SLC2A1: variants seen among roughly 807,000 people sequenced by gnomAD.
SLC2A1 encodes the protein solute carrier family 2 member 1.
In SLC2A1, 4 loss-of-function variants were observed where a neutral mutation model predicts 46.6. The ratio of observed to expected loss-of-function variants is 0.09; its 90% CI spans 0.04 to 0.20. SLC2A1 has a LOEUF of 0.20. Ranked by LOEUF, SLC2A1 falls within the 10% of genes least tolerant of loss-of-function variation. The pLI, the probability that SLC2A1 is intolerant of heterozygous loss-of-function variation, is 1.00. For synonymous variants in SLC2A1, 253 were observed against 270.0 expected (o/e 0.94, Z 0.62); for missense variants, 352 against 667.0 (o/e 0.53, Z 5.20).
At chr1:42,933,202 A>C (rs1643509958) in intron 2 of SLC2A1, among the ~76,000 whole-genome samples, 1 of 152,196 alleles carries the variant, frequency 6.6e-6, no homozygotes, top group South Asian at 2.1e-4. Context: ...AAGGCTGTGC[A>C]GACCACTAAC....
At chr1:42,938,363 C>T (rs1441327826) in intron 2 of SLC2A1, among the ~76,000 whole-genome samples, 1 of 152,198 alleles carries the variant, frequency 6.6e-6, no homozygotes, top group Non-Finnish European at 1.5e-5. Flanking sequence ...CTCTCACTCT[C>T]CAGATACCTC....
chr1:42,958,578 G>C, intron 1 of SLC2A1, 56 bp downstream of exon 1: 1 of 1,477,350 alleles, frequency 6.8e-7, no homozygotes, highest in Non-Finnish European at 9.0e-7. Context: ...GGCGTAAGGC[G>C]GGCAGGAGTC....
intron 2 of SLC2A1, among the ~76,000 whole-genome samples, chr1:42,942,656 A>G: frequency 6.6e-6 from 1 of 151,780 alleles, no homozygotes; most frequent in East Asian, 1.9e-4. Flanking sequence ...CAAATAAAGG[A>G]AGTGTGCTGC....
chr1:42,929,611 C>G lies in SLC2A1; in HGVS notation c.849G>C (p.Gln283His). 1 of 1,613,608 alleles carries G rather than the reference C, an allele frequency of 6.2e-7. No individual in the cohort carries two copies. The highest frequency in any genetic ancestry group is 8.5e-7 in the Non-Finnish European group (1 of 1,179,766). ...CACTCACAGCGTTGATGCCAGACAGCTGCTGGGACAGCTGCAGCACCACAG... is the reference window on the plus strand; with the variant it reads ...CACTCACAGCGTTGATGCCAGACAGGTGCTGGGACAGCTGCAGCACCACAG... ...LIAVVLQLSQ[Q>H]LSGINAVFYY... Residue 283 changes from glutamine (Q) to histidine (H), a missense_variant, in exon 6 of 10, where the codon CAG (glutamine) becomes CAC (histidine). Physicochemically the swap from Gln to His is conservative, Grantham distance 24 (BLOSUM62 0). This residue lies in a region of SLC2A1 where 167 missense variants were observed against 280.8 expected (regional missense o/e 0.59). Coordinates refer to ENST00000426263, the MANE Select transcript of SLC2A1 (RefSeq NM_006516.4). This position sits in a 1 kb window ranked among gnomAD's most constrained non-coding sequence, Gnocchi z 6.0.
In SLC2A1 at chr1:42,954,721, T is replaced by C. The variant is rs1643756070; in HGVS notation, c.18+3913A>G. On this transcript the variant is annotated intron_variant, in intron 1 of 9. Coordinates refer to ENST00000426263, the MANE Select transcript of SLC2A1 (RefSeq NM_006516.4). This position sits in a 1 kb window ranked among gnomAD's most constrained non-coding sequence, Gnocchi z 4.2. Reference sequence around the variant, plus strand: ...TCATCCTGGAAAGGCTGGCAGCATGTCTTGGGGTGGGAGGCTCAGTGTGTG... The same window carrying C: ...TCATCCTGGAAAGGCTGGCAGCATGCCTTGGGGTGGGAGGCTCAGTGTGTG... Among the ~76,000 whole-genome samples the C allele has an allele frequency of 6.6e-6, 1 of 152,128 alleles. No homozygotes were observed. The highest frequency in any genetic ancestry group is 2.4e-5 in the African/African-American group (1 of 41,432).
rs1051716608 is a variant in SLC2A1 at position 42,925,678 on chromosome 1, A to G, written c.*1363T>C. On this transcript the variant is annotated 3_prime_UTR_variant, in exon 10 of 10. Coordinates refer to ENST00000426263, the MANE Select transcript of SLC2A1 (RefSeq NM_006516.4). Reference sequence around the variant, plus strand: ...GCTTGACAGCTCATTGGGCCCATACAAAGAACGTGGTTCATTTTGTGTGTG... The same window carrying G: ...GCTTGACAGCTCATTGGGCCCATACGAAGAACGTGGTTCATTTTGTGTGTG... 1 of 152,216 alleles carries G rather than the reference A, an allele frequency of 6.6e-6. No individual in the cohort carries two copies. Among genetic ancestry groups the G allele is most frequent in the African/African-American group, 2.4e-5 (1 of 41,444 alleles). 9.4% of individuals were successfully genotyped at this position (152,216 alleles called of 1,614,324 possible). A position where few individuals can be genotyped will look rare whatever the true frequency, so the allele number is the denominator to read the frequency against.
rs1432354282 is a variant in SLC2A1, at chr1:42,929,834, G to T, written c.679+39C>A. The T allele has an allele frequency of 1.9e-6, 3 of 1,614,174 alleles. No individual in the cohort carries two copies. Among genetic ancestry groups the T allele is most frequent in the Non-Finnish European group, 2.5e-6 (3 of 1,179,988 alleles). ...GGCTCAGAGTGGGAAGAAGGCCAGG[G>T]CTCAGGGAGTGGGGAGGAGGGCAGG... On this transcript the variant is annotated intron_variant, in intron 5 of 9. Transcript: ENST00000426263. The surrounding 1 kb of genome is among the most constrained non-coding windows in gnomAD (Gnocchi z 6.0).
intron 1 of SLC2A1, among the ~76,000 whole-genome samples, chr1:42,948,649 C>T (rs1643683353): frequency 6.6e-6 from 1 of 152,202 alleles, no homozygotes; most frequent in African/African-American, 2.4e-5. Context: ...AACCTCAAGG[C>T]TGGGCGCGGT....
chr1:42,927,565 C>T lies in SLC2A1; in HGVS notation c.1278+40G>A. 1.2e-6 allele frequency: 1 copy of T among 826,534 alleles called. No homozygotes were observed. Among genetic ancestry groups the T allele is most frequent in the African/African-American group, 3.7e-5 (1 of 27,360 alleles). 51.2% of individuals were successfully genotyped at this position (826,534 alleles called of 1,614,324 possible). A position where few individuals can be genotyped will look rare whatever the true frequency, so the allele number is the denominator to read the frequency against. ...AGCACTTTGCACAGCACTGTGGGGT[C>T]ATGCGTGCGGGTGAGTATAGAGACA... On this transcript the variant is annotated intron_variant, in intron 9 of 9. Coordinates refer to ENST00000426263, the MANE Select transcript of SLC2A1 (RefSeq NM_006516.4). The surrounding 1 kb of genome is among the most constrained non-coding windows in gnomAD (Gnocchi z 5.3).
Position 42,929,486 on chromosome 1 carries a change from T to A in SLC2A1, c.867+107A>T, listed in dbSNP as rs546987902. ...CGGGCTTGGGGTCTAAAGGGAAACT[T>A]CTTCGGCAGAGGCGTATCTGTTGTT... is the stretch of plus-strand genomic sequence containing the variant. On this transcript the variant is annotated intron_variant, in intron 6 of 9. Coordinates refer to ENST00000426263, the MANE Select transcript of SLC2A1 (RefSeq NM_006516.4). This position sits in a 1 kb window ranked among gnomAD's most constrained non-coding sequence, Gnocchi z 6.0. The A allele has an allele frequency of 1.1e-5, 14 of 1,254,090 alleles. 1 individual carries two copies. In the African/African-American group the frequency reaches 1.3e-4, roughly 12 times the overall value. 77.7% of individuals were successfully genotyped at this position (1,254,090 alleles called of 1,614,324 possible).
intron 1 of SLC2A1, among the ~76,000 whole-genome samples, chr1:42,956,500 G>T (rs541395421): frequency 2.6e-4 from 40 of 151,462 alleles, no homozygotes; most frequent in Non-Finnish European, 4.4e-4. Flanking sequence ...CAGAAGAAAC[G>T]CTTGAACCCG....
rs549179994 is a variant in SLC2A1 at position 42,951,135 on chromosome 1, C to G, written c.18+7499G>C. 4.5e-4 allele frequency among the ~76,000 whole-genome samples: 68 copies of G among 152,298 alleles called. No individual in the cohort carries two copies. The South Asian group carries it at 0.014, about 32-fold the overall frequency. ...CGATAAAACTATACCAAATCCCTGC[C>G]TATGGAACTTGATAGGTTAGTTGAA... On this transcript the variant is annotated intron_variant, in intron 1 of 9. Transcript: ENST00000426263.
In SLC2A1 at chr1:42,927,573, C is replaced by CA. The variant is rs781018907; in HGVS notation, c.1278+31_1278+32insT. 18 of 656,774 alleles carry CA rather than the reference C, an allele frequency of 2.7e-5. No homozygotes were observed. The African/African-American group carries it at 5.4e-4, about 20-fold the overall frequency. 40.7% of individuals were successfully genotyped at this position (656,774 alleles called of 1,614,324 possible). ...GCACAGCACTGTGGGGTCATGCGTG[C>CA]GGGTGAGTATAGAGACAGTGGGGGT... On this transcript the variant is annotated intron_variant, in intron 9 of 9. Transcript: ENST00000426263. The surrounding 1 kb of genome is among the most constrained non-coding windows in gnomAD (Gnocchi z 5.3).
In SLC2A1 at chr1:42,954,283, C is replaced by A. The variant is rs1486233770; in HGVS notation, c.18+4351G>T. Among the ~76,000 whole-genome samples the A allele has an allele frequency of 6.6e-6, 1 of 152,090 alleles. No individual in the cohort carries two copies. The highest frequency in any genetic ancestry group is 1.5e-5 in the Non-Finnish European group (1 of 68,022). On this transcript the variant is annotated intron_variant, in intron 1 of 9. Transcript: ENST00000426263. The surrounding 1 kb of genome is among the most constrained non-coding windows in gnomAD (Gnocchi z 4.2). ...CCTGTAATCCCAGCACTTTGGGAGG[C>A]CGAGGTGGGCGGATCACCTGAGGTC...
At chr1:42,939,234 G>C (rs900251968) in intron 2 of SLC2A1, among the ~76,000 whole-genome samples, 1 of 152,248 alleles carries the variant, frequency 6.6e-6, no homozygotes, top group Non-Finnish European at 1.5e-5. Flanking sequence ...GGGTCCTTCT[G>C]TCCTCTCTTC....
At chr1:42,947,069 G>C (rs1390325279) in intron 1 of SLC2A1, among the ~76,000 whole-genome samples, 4 of 152,214 alleles carry the variant, frequency 2.6e-5, no homozygotes, top group Admixed American at 2.6e-4. Context: ...AGAATAGCAA[G>C]CTACCCTCGA....
intron 2 of SLC2A1, among the ~76,000 whole-genome samples, chr1:42,942,127 G>A (rs982208843): frequency 3.9e-5 from 6 of 152,220 alleles, no homozygotes; most frequent in African/African-American, 1.2e-4. Context: ...CCTGACGTGA[G>A]GACTGCCCAC....
intron 1 of SLC2A1, among the ~76,000 whole-genome samples, chr1:42,956,200 A>C (rs547391728): frequency 2.6e-5 from 4 of 152,154 alleles, no homozygotes; most frequent in Admixed American, 6.5e-5. Context: ...GTCTTTTGAA[A>C]TTTCTATTTT....
At chr1:42,949,421 C>A (rs527896290) in intron 1 of SLC2A1, among the ~76,000 whole-genome samples, 1 of 152,294 alleles carries the variant, frequency 6.6e-6, no homozygotes, top group South Asian at 2.1e-4. Flanking sequence ...GGTTTCCTAG[C>A]CTGGCATTCT....
Sources: gnomAD v4.1 joint callset for allele counts (sites outside exome capture counted in the v4.1 genomes callset) on GRCh38, gnomAD v4.1.1 for gene constraint, gnomAD v4.1.1 regional missense constraint, Gnocchi (gnomAD v3.1) non-coding constraint, MANE v1.5 for transcripts, NCBI Gene and HGNC (gene_info 2026-07-23, HGNC 2026-07-21) for gene names.